GPR158: variants seen among roughly 807,000 people sequenced by gnomAD.
The protein encoded by GPR158 is G protein-coupled receptor 158.
A neutral mutation model predicts 78.2 loss-of-function variants in GPR158; 30 were observed. The observed-to-expected ratio is 0.38, with a 90% CI of 0.29 to 0.52. The LOEUF (loss-of-function observed/expected upper bound fraction) is 0.52. Among genes scored for constraint, GPR158 ranks in the 20% least tolerant of loss-of-function variants. GPR158 has a pLI of 0.83. For synonymous variants in GPR158, 581 were observed against 591.1 expected, an observed-to-expected ratio of 0.98 and a Z score of 0.25; for missense variants, 1,463 against 1,523.5, an observed-to-expected ratio of 0.96 and a Z score of 0.66.
intron 5 of GPR158, among the ~76,000 whole-genome samples, chr10:25,537,197 C>G (rs1224159459): frequency 6.6e-6 from 1 of 152,174 alleles, no homozygotes; most frequent in Non-Finnish European, 1.5e-5. Context: ...TCTTTCCAAC[C>G]AAAACAAAGT....
intron 2 of GPR158, among the ~76,000 whole-genome samples, chr10:25,346,778 A>C (rs1370775530): frequency 6.6e-6 from 1 of 152,000 alleles, no homozygotes; most frequent in Non-Finnish European, 1.5e-5. Flanking sequence ...ACCTGAACCT[A>C]GTTACTTCAA....
intron 2 of GPR158, among the ~76,000 whole-genome samples, chr10:25,235,888 G>A (rs1013736358): frequency 2.0e-5 from 3 of 151,686 alleles, no homozygotes. Flanking sequence ...AGTAGAGACG[G>A]GGTTTCATCA....
intron 6 of GPR158, among the ~76,000 whole-genome samples, chr10:25,554,718 T>C (rs766091338): frequency 2.0e-5 from 3 of 152,186 alleles, no homozygotes; most frequent in African/African-American, 4.8e-5. Flanking sequence ...GTCCCTTGTT[T>C]ATTAACAAAT....
chr10:25,422,988 A>AT (rs1834771971), intron 4 of GPR158, among the ~76,000 whole-genome samples: 1 of 151,826 alleles, frequency 6.6e-6, no homozygotes, highest in African/African-American at 2.4e-5. Flanking sequence ...TTCACTTACA[A>AT]TAATAGTTTC....
chr10:25,206,079 A>G (rs1853025100), intron 1 of GPR158, among the ~76,000 whole-genome samples: 1 of 149,394 alleles, frequency 6.7e-6, no homozygotes. Flanking sequence ...TCTGCCTCCC[A>G]GGTTCATGCC....
intron 7 of GPR158, among the ~76,000 whole-genome samples, chr10:25,583,456 C>G (rs1837229302): frequency 6.6e-6 from 1 of 152,108 alleles, no homozygotes; most frequent in African/African-American, 2.4e-5. Flanking sequence ...CAGATAACCA[C>G]CCAGAATATC....
chr10:25,307,016 CAGAGAGAGAG>C (rs67926384), intron 2 of GPR158, among the ~76,000 whole-genome samples: 1 of 146,480 alleles, frequency 6.8e-6, no homozygotes, highest in Admixed American at 6.9e-5. Context: ...CACACACATA[CAGAGAGAGAG>C]AGAGAGAGAG....
At chr10:25,285,656 T>A (rs1854340500) in intron 2 of GPR158, among the ~76,000 whole-genome samples, 1 of 152,176 alleles carries the variant, frequency 6.6e-6, no homozygotes, top group Non-Finnish European at 1.5e-5. Context: ...TGGATGGTAC[T>A]CACCCACTTT....
chr10:25,523,213 C>T (rs1409568282), intron 5 of GPR158, among the ~76,000 whole-genome samples: 2 of 152,152 alleles, frequency 1.3e-5, no homozygotes, highest in Non-Finnish European at 2.9e-5. Flanking sequence ...GCAGTGGGAG[C>T]CCTGAACAAA....
chr10:25,380,045 A>G (rs147054093), intron 2 of GPR158, among the ~76,000 whole-genome samples: 85 of 151,866 alleles, frequency 5.6e-4, no homozygotes, highest in African/African-American at 2.0e-3. Flanking sequence ...CTAACAAACT[A>G]TTGTTTCATA....
At chr10:25,477,328 C>T (rs902332784) in intron 5 of GPR158, among the ~76,000 whole-genome samples, 3 of 152,120 alleles carry the variant, frequency 2.0e-5, no homozygotes, top group Admixed American at 2.0e-4. Flanking sequence ...ATTTTCATTG[C>T]TAAAATTACT....
intron 4 of GPR158, among the ~76,000 whole-genome samples, chr10:25,460,620 T>A (rs542739579): frequency 6.6e-6 from 1 of 152,336 alleles, no homozygotes; most frequent in South Asian, 2.1e-4. Flanking sequence ...TCCAGATAAG[T>A]TGATCTATCC....
At chr10:25,218,670 C>T (rs943096438) in intron 1 of GPR158, among the ~76,000 whole-genome samples, 2 of 152,030 alleles carry the variant, frequency 1.3e-5, no homozygotes, top group Admixed American at 6.6e-5. Flanking sequence ...AACAGTAGTC[C>T]GGTGAGAAGC....
In GPR158 at chr10:25,248,636, G is replaced by A. The variant is rs532801240; in HGVS notation, c.1008+27479G>A. Among the ~76,000 whole-genome samples, 578 of 151,018 alleles carry A rather than the reference G, an allele frequency of 3.8e-3. 2 individuals carry two copies. Among genetic ancestry groups the A allele is most frequent in the African/African-American group, 0.012 (506 of 40,932 alleles). ...GATCAGACAGTTGTAGGTATGCGGC[G>A]TTATTTCTGAGGGCTCTGTTCTGTT... On this transcript the variant is annotated intron_variant, in intron 2 of 10. Coordinates refer to ENST00000376351, the MANE Select transcript of GPR158 (RefSeq NM_020752.3).
At chr10:25,473,358 A>G (rs1463920757) in intron 5 of GPR158, among the ~76,000 whole-genome samples, 1 of 152,166 alleles carries the variant, frequency 6.6e-6, no homozygotes, top group Admixed American at 6.6e-5. Flanking sequence ...TCGGTTCGCC[A>G]GTATTTTATT....
At chr10:25,357,691 G>A (rs923719348) in intron 2 of GPR158, among the ~76,000 whole-genome samples, 4 of 152,096 alleles carry the variant, frequency 2.6e-5, no homozygotes, top group African/African-American at 9.7e-5. Flanking sequence ...GTATGGAAAT[G>A]CCTGGATGTC....
intron 4 of GPR158, among the ~76,000 whole-genome samples, chr10:25,422,764 T>C (rs577494852): frequency 9.9e-5 from 15 of 152,030 alleles, no homozygotes; most frequent in African/African-American, 3.6e-4. Flanking sequence ...CACGAATAAG[T>C]TCTTTAGTGG....
rs1834758981 is a variant in GPR158 at position 25,422,038 on chromosome 10, T to C, written c.1335+9565T>C. On this transcript the variant is annotated intron_variant, in intron 4 of 10. Coordinates refer to ENST00000376351, the MANE Select transcript of GPR158 (RefSeq NM_020752.3). ...CAATATTTTCTCATTATGAATTGTC[T>C]GTATCCTCAAGTCGTTTGTTCAGTA... is the stretch of plus-strand genomic sequence containing the variant. Among the ~76,000 whole-genome samples the C allele has an allele frequency of 2.0e-5, 3 of 152,218 alleles. No homozygotes were observed. The South Asian group carries it at 6.2e-4, about 31-fold the overall frequency.
At chr10:25,432,286 AAAT>A (rs10556300) in intron 4 of GPR158, among the ~76,000 whole-genome samples, 104,773 of 150,722 alleles carry the variant, frequency 0.7, 37,284 homozygotes, top group Non-Finnish European at 0.8. Flanking sequence ...ACGTCCATAA[AAAT>A]AATAATTCTC....
Sources: allele counts gnomAD v4.1 joint callset (sites outside exome capture counted in the v4.1 genomes callset), GRCh38; gene constraint gnomAD v4.1.1; transcripts MANE v1.5; gene names NCBI Gene and HGNC (gene_info 2026-07-23, HGNC 2026-07-21).